The following PTPRD variants were observed in gnomAD, a reference collection of about 807,000 sequenced individuals.
PTPRD encodes the protein protein tyrosine phosphatase receptor type D, also known as receptor-type tyrosine-protein phosphatase delta.
A neutral mutation model predicts 214.5 loss-of-function variants in PTPRD; 34 were observed. The ratio of observed to expected loss-of-function variants is 0.16; its 90% CI spans 0.12 to 0.21. The LOEUF (loss-of-function observed/expected upper bound fraction) is 0.21, where lower values mean the gene tolerates loss of function less well. PTPRD is among the 10% of genes least tolerant of loss of function. PTPRD has a pLI of 1.00. For synonymous variants in PTPRD, 1,128 were observed against 845.7 expected (o/e 1.33, Z -5.79); for missense variants, 2,545 against 2,398.7 (o/e 1.06, Z -1.27).
intron 5 of PTPRD, among the ~76,000 whole-genome samples, chr9:9,927,281 AC>A (rs1398576907): frequency 6.6e-6 from 1 of 152,118 alleles, no homozygotes; most frequent in Non-Finnish European, 1.5e-5. Flanking sequence ...CTTAAAACCC[AC>A]CTAAATCAAT....
At chr9:9,816,889 CAAGAT>C (rs1713100185) in intron 5 of PTPRD, among the ~76,000 whole-genome samples, 1 of 148,124 alleles carries the variant, frequency 6.8e-6, no homozygotes, top group African/African-American at 2.6e-5. Flanking sequence ...ACAAAAATCA[CAAGAT>C]ACTAATAATA....
chr9:10,201,598 G>C (rs1026659595), intron 3 of PTPRD, among the ~76,000 whole-genome samples: 3 of 151,962 alleles, frequency 2.0e-5, no homozygotes, highest in Non-Finnish European at 4.4e-5. Context: ...GTGTGCATGT[G>C]TGTGTGTATA....
At chr9:10,455,333 C>T (rs951375238) in intron 2 of PTPRD, among the ~76,000 whole-genome samples, 1 of 151,702 alleles carries the variant, frequency 6.6e-6, no homozygotes, top group Admixed American at 6.6e-5. Context: ...TTTAAAAATT[C>T]CTTCCATCTC....
intron 5 of PTPRD, among the ~76,000 whole-genome samples, chr9:9,840,113 C>G (rs552060037): frequency 6.6e-6 from 1 of 152,216 alleles, no homozygotes; most frequent in East Asian, 1.9e-4. Context: ...TCTCAGCTCA[C>G]TGCAACTTCC....
At chr9:8,780,210 G>C (rs1385428657) in intron 11 of PTPRD, among the ~76,000 whole-genome samples, 1 of 152,122 alleles carries the variant, frequency 6.6e-6, no homozygotes, top group Non-Finnish European at 1.5e-5. Context: ...CTTGTGTTCA[G>C]TAAAAATTCT....
At chr9:9,222,093 T>C (rs1451532157) in intron 9 of PTPRD, among the ~76,000 whole-genome samples, 1 of 152,146 alleles carries the variant, frequency 6.6e-6, no homozygotes, top group Non-Finnish European at 1.5e-5. Context: ...GTATCCACTG[T>C]AACAATATTA....
At chr9:8,328,266 T>A (rs915215709) in intron 44 of PTPRD, among the ~76,000 whole-genome samples, 1 of 152,176 alleles carries the variant, frequency 6.6e-6, no homozygotes, top group African/African-American at 2.4e-5. Context: ...TTATTTCTCC[T>A]TCACTTATGA....
chr9:9,941,238 G>C (rs550711856), intron 4 of PTPRD, among the ~76,000 whole-genome samples: 8 of 152,312 alleles, frequency 5.3e-5, no homozygotes, highest in East Asian at 1.9e-4. Flanking sequence ...TGAGGGAAGG[G>C]AAAAGCTATG....
chr9:9,238,486 C>A (rs2099968436), intron 9 of PTPRD, among the ~76,000 whole-genome samples: 1 of 151,958 alleles, frequency 6.6e-6, no homozygotes, highest in East Asian at 1.9e-4. Flanking sequence ...TGAGGAAGGC[C>A]TCGGGCATCT....
intron 4 of PTPRD, among the ~76,000 whole-genome samples, chr9:9,998,684 A>C (rs552753816): frequency 6.6e-6 from 1 of 152,300 alleles, no homozygotes; most frequent in East Asian, 1.9e-4. Context: ...GAAAGCAAGA[A>C]GTACACAAGG....
At chr9:9,798,485 A>G (rs937574369) in intron 5 of PTPRD, among the ~76,000 whole-genome samples, 1 of 152,178 alleles carries the variant, frequency 6.6e-6, no homozygotes, top group Non-Finnish European at 1.5e-5. Flanking sequence ...TTGTGTCTTC[A>G]GACATAAGGA....
At chr9:9,778,652 G>C (rs1181940076) in intron 5 of PTPRD, among the ~76,000 whole-genome samples, 2 of 152,098 alleles carry the variant, frequency 1.3e-5, no homozygotes, top group Non-Finnish European at 2.9e-5. Flanking sequence ...TGCAGGAACA[G>C]GTACACAGTG....
intron 2 of PTPRD, among the ~76,000 whole-genome samples, chr9:10,526,374 TATA>T (rs2054290054): frequency 6.6e-6 from 1 of 152,118 alleles, no homozygotes; most frequent in African/African-American, 2.4e-5. Context: ...CATTTTTAAG[TATA>T]ATAATTATTT....
intron 3 of PTPRD, among the ~76,000 whole-genome samples, chr9:10,123,600 A>T (rs909411513): frequency 6.6e-6 from 1 of 152,208 alleles, no homozygotes; most frequent in Admixed American, 6.5e-5. Context: ...TGTGAAAAAG[A>T]ATCCACCAAC....
intron 2 of PTPRD, among the ~76,000 whole-genome samples, chr9:10,372,983 C>T (rs1381816207): frequency 6.6e-6 from 1 of 151,318 alleles, no homozygotes; most frequent in Non-Finnish European, 1.5e-5. Context: ...TAGTCACCCA[C>T]CACCATGCCC....
intron 7 of PTPRD, among the ~76,000 whole-genome samples, chr9:9,696,087 C>T (rs908446873): frequency 6.6e-6 from 1 of 151,894 alleles, no homozygotes; most frequent in Non-Finnish European, 1.5e-5. Context: ...TTGGTTTGCT[C>T]CAGTTTTCTA....
intron 3 of PTPRD, among the ~76,000 whole-genome samples, chr9:10,038,004 C>T (rs1235157377): frequency 2.0e-5 from 3 of 152,138 alleles, no homozygotes; most frequent in Non-Finnish European, 1.5e-5. Flanking sequence ...TATCTACAGA[C>T]ATTGATATGT....
intron 10 of PTPRD, among the ~76,000 whole-genome samples, chr9:9,057,279 A>G (rs766220250): frequency 6.6e-6 from 1 of 152,200 alleles, no homozygotes; most frequent in Non-Finnish European, 1.5e-5. Flanking sequence ...AGGGACTGTC[A>G]GTCTTGGCAA....
chr9:10,368,697 T>C (rs1312290125), intron 2 of PTPRD, among the ~76,000 whole-genome samples: 1 of 152,128 alleles, frequency 6.6e-6, no homozygotes, highest in Non-Finnish European at 1.5e-5. Context: ...AAAAGACTTA[T>C]GATCAAGTCT....
Sources: gnomAD v4.1 joint callset for allele counts (sites outside exome capture counted in the v4.1 genomes callset) on GRCh38, gnomAD v4.1.1 for gene constraint, MANE v1.5 for transcripts, NCBI Gene and HGNC (gene_info 2026-07-23, HGNC 2026-07-21) for gene names.